INTS8: variants seen among roughly 807,000 people sequenced by gnomAD.
The protein encoded by INTS8 is protein kaonashi-1.
A neutral mutation model predicts 138.9 loss-of-function variants in INTS8; 47 were observed. The observed-to-expected ratio is 0.34, with a 90% CI of 0.27 to 0.43. The LOEUF (loss-of-function observed/expected upper bound fraction) is 0.43. Ranked by LOEUF, INTS8 falls within the 20% of genes least tolerant of loss-of-function variation. The pLI is 1.00. For synonymous variants in INTS8, 392 were observed against 400.9 expected (o/e 0.98, Z 0.27); for missense variants, 996 against 1,173.0 (o/e 0.85, Z 2.20).
intron 10 of INTS8, among the ~76,000 whole-genome samples, chr8:94,844,427 C>G (rs1224097026): frequency 3.3e-5 from 5 of 152,168 alleles, no homozygotes; most frequent in Non-Finnish European, 7.4e-5. Context: ...AGTGATTCTC[C>G]GGCCTCAGCC....
rs1814350938 is a variant in INTS8, at chr8:94,823,364, C to T, written c.-68C>T. The T allele has an allele frequency of 5.3e-6, 8 of 1,503,802 alleles. No individual in the cohort carries two copies. The Admixed American group carries it at 1.8e-4, about 33-fold the overall frequency. 93.2% of individuals were successfully genotyped at this position (1,503,802 alleles called of 1,614,324 possible). A position where few individuals can be genotyped will look rare whatever the true frequency, so the allele number is the denominator to read the frequency against. On this transcript the variant is annotated 5_prime_UTR_variant, in exon 1 of 27. Coordinates refer to ENST00000523731, the MANE Select transcript of INTS8 (RefSeq NM_017864.4). ...CACCGGGTTCCGCATACCCCAGGCACCGGCCCGCATCCAAGTGTCAGGTTG... is the reference window on the plus strand; with the variant it reads ...CACCGGGTTCCGCATACCCCAGGCATCGGCCCGCATCCAAGTGTCAGGTTG...
chr8:94,860,663 T>A (rs1302477795), intron 16 of INTS8, among the ~76,000 whole-genome samples: 1 of 151,910 alleles, frequency 6.6e-6, no homozygotes, highest in Non-Finnish European at 1.5e-5. Flanking sequence ...GTCTCCTTTT[T>A]GGGTATATTT....
chr8:94,831,598 C>A (rs1814718478), intron 5 of INTS8, among the ~76,000 whole-genome samples: 1 of 151,514 alleles, frequency 6.6e-6, no homozygotes, highest in Admixed American at 6.6e-5. Context: ...TCTCCTGCCT[C>A]AGCTTCCTGA....
chr8:94,849,077 T>C (rs1350998347), intron 10 of INTS8, among the ~76,000 whole-genome samples: 3 of 152,112 alleles, frequency 2.0e-5, no homozygotes, highest in East Asian at 1.9e-4. Flanking sequence ...ACTTACTCTT[T>C]TCAATTATTT....
At chr8:94,864,436 T>C (rs767228384) in intron 16 of INTS8, among the ~76,000 whole-genome samples, 15 of 152,146 alleles carry the variant, frequency 9.9e-5, no homozygotes, top group Non-Finnish European at 1.8e-4. Context: ...GGCCAGATGC[T>C]GTGGCTCAAG....
intron 16 of INTS8, among the ~76,000 whole-genome samples, chr8:94,862,339 T>A (rs1480714543): frequency 1.3e-5 from 2 of 152,234 alleles, no homozygotes; most frequent in African/African-American, 4.8e-5. Context: ...TCTTAGCCTT[T>A]AAGAAAATCA....
At chr8:94,833,466 A>T (rs1386898331) in intron 6 of INTS8, among the ~76,000 whole-genome samples, 1 of 151,432 alleles carries the variant, frequency 6.6e-6, no homozygotes, top group Non-Finnish European at 1.5e-5. Context: ...GGATCCTCCC[A>T]CCTTGGCCTC....
intron 12 of INTS8, among the ~76,000 whole-genome samples, chr8:94,850,987 A>G (rs1367234594): frequency 6.6e-6 from 1 of 152,198 alleles, no homozygotes; most frequent in Admixed American, 6.5e-5. Context: ...CTAGATTTAA[A>G]CTGGTTGAAT....
chr8:94,877,730 A>G (rs1816613326), intron 26 of INTS8, among the ~76,000 whole-genome samples: 1 of 152,122 alleles, frequency 6.6e-6, no homozygotes. Context: ...ACCCAAAGCC[A>G]TGTCTTACTG....
intron 7 of INTS8, 43 bp from the exon 8 acceptor site, chr8:94,838,420 A>G (rs1294945576): frequency 2.0e-6 from 3 of 1,496,660 alleles, no homozygotes; most frequent in Middle Eastern, 2.0e-4. Flanking sequence ...ACTATTGTTT[A>G]TATTACATGA....
chr8:94,858,390 T>C (rs1451011608), intron 15 of INTS8, among the ~76,000 whole-genome samples: 1 of 152,230 alleles, frequency 6.6e-6, no homozygotes, highest in Non-Finnish European at 1.5e-5. Context: ...CTTTAACACA[T>C]CAGTGCTCTT....
chr8:94,838,663 A>C (rs774437009), intron 8 of INTS8, 45 bp downstream of exon 8: 1 of 1,533,714 alleles, frequency 6.5e-7, no homozygotes, highest in Non-Finnish European at 9.0e-7. Flanking sequence ...GAAGCCAGAC[A>C]AAACTAAGTT....
chr8:94,858,927 T>C (rs1022890432), intron 15 of INTS8, among the ~76,000 whole-genome samples: 3 of 152,214 alleles, frequency 2.0e-5, no homozygotes, highest in African/African-American at 7.2e-5. Flanking sequence ...ACTTATTAAA[T>C]GTTCAGCAAC....
Position 94,850,039 on chromosome 8 carries a change from C to A in INTS8, c.1455C>A (p.Ser485=), listed in dbSNP as rs781472356. ...TTGTTGATCAGATGAGGAAGAGATC[C>A]CCTAGAGTAAATCTGTGCATTAAAC... ...KLLVDQMRKR[S]PRVNLCIKPV... The change falls in exon 12 of 27, where the codon TCC becomes TCA. Residue 485 remains serine (S), a synonymous_variant. Transcript: ENST00000523731. 1.2e-6 allele frequency: 2 copies of A among 1,612,788 alleles called. No individual in the cohort carries two copies. Among genetic ancestry groups the A allele is most frequent in the African/African-American group, 2.7e-5 (2 of 74,868 alleles).
At chr8:94,836,499 A>G (rs1814931360) in intron 6 of INTS8, 25 bp from the exon 7 acceptor site, 4 of 1,571,650 alleles carry the variant, frequency 2.5e-6, no homozygotes, top group Non-Finnish European at 3.5e-6. Flanking sequence ...ATTGTTAAGC[A>G]AATTGGTGTT....
chr8:94,867,260 T>G lies in INTS8; in HGVS notation c.2353-16T>G, dbSNP rs777487379. On this transcript the variant is annotated splice_polypyrimidine_tract_variant and intron_variant, in intron 19 of 26. Coordinates refer to ENST00000523731, the MANE Select transcript of INTS8 (RefSeq NM_017864.4). ...AAATTTCTTTGTAAATCACACCTTT[T>G]TTTTTCTTTTTAAAGGAGGACATTG... 2.5e-6 allele frequency: 4 copies of G among 1,604,652 alleles called. No individual in the cohort carries two copies. The highest frequency in any genetic ancestry group is 4.5e-5 in the East Asian group (2 of 44,792).
intron 13 of INTS8, among the ~76,000 whole-genome samples, chr8:94,852,596 T>A (rs1815586721): frequency 6.6e-6 from 1 of 151,946 alleles, no homozygotes; most frequent in African/African-American, 2.4e-5. Flanking sequence ...ATGGTTTGTT[T>A]TTTTTTTTTG....
At chr8:94,828,046 T>TG (rs1814577773) in intron 4 of INTS8, among the ~76,000 whole-genome samples, 1 of 10,250 alleles carries the variant, frequency 9.8e-5, no homozygotes. Context: ...TTTTTTTTTG[T>TG]TTTTTTTTTT....
At chr8:94,854,152 G>A (rs1394287469) in intron 14 of INTS8, among the ~76,000 whole-genome samples, 1 of 142,826 alleles carries the variant, frequency 7.0e-6, no homozygotes. Flanking sequence ...GGAGGTGGAG[G>A]TTGGAGTTGC....
Sources: allele counts gnomAD v4.1 joint callset (sites outside exome capture counted in the v4.1 genomes callset), GRCh38; gene constraint gnomAD v4.1.1; transcripts MANE v1.5; gene names NCBI Gene and HGNC (gene_info 2026-07-23, HGNC 2026-07-21).